SCMH1: variants seen among roughly 807,000 people sequenced by gnomAD.
SCMH1 encodes polycomb protein SCMH1.
In SCMH1, 37 loss-of-function variants were observed where a neutral mutation model predicts 70.8. The observed-to-expected ratio is 0.52, with a 90% CI of 0.40 to 0.69. The LOEUF is 0.69. Among genes scored for constraint, SCMH1 ranks in the 30% least tolerant of loss-of-function variants. SCMH1 has a pLI of 0.00. For missense variants in SCMH1, 607 were observed against 827.3 expected, an observed-to-expected ratio of 0.73 and a Z score of 3.27; for synonymous variants, 292 against 307.4, an observed-to-expected ratio of 0.95 and a Z score of 0.52.
chr1:41,032,439 G>A (rs1644657653), intron 13 of SCMH1, among the ~76,000 whole-genome samples: 1 of 152,176 alleles, frequency 6.6e-6, no homozygotes, highest in African/African-American at 2.4e-5. Context: ...TCAGAACAAA[G>A]TGAATGAGGG....
intron 4 of SCMH1, among the ~76,000 whole-genome samples, chr1:41,159,271 A>G (rs1479033807): frequency 6.6e-6 from 1 of 152,212 alleles, no homozygotes; most frequent in African/African-American, 2.4e-5. Flanking sequence ...AAATTTTAAC[A>G]TCTTTTAGTA....
chr1:41,173,524 T>C (rs1160270433), intron 2 of SCMH1, among the ~76,000 whole-genome samples: 1 of 152,116 alleles, frequency 6.6e-6, no homozygotes, highest in Non-Finnish European at 1.5e-5. Context: ...GTATTGTAAA[T>C]TAGTACAGCT....
intron 2 of SCMH1, among the ~76,000 whole-genome samples, chr1:41,163,422 A>G (rs1270127876): frequency 1.3e-5 from 2 of 152,238 alleles, no homozygotes; most frequent in Admixed American, 6.5e-5. Flanking sequence ...AGTGGGCCCA[A>G]GCAAAACTCA....
intron 10 of SCMH1, among the ~76,000 whole-genome samples, chr1:41,060,337 A>T (rs1652157831): frequency 6.6e-6 from 1 of 152,132 alleles, no homozygotes; most frequent in Admixed American, 6.6e-5. Flanking sequence ...GACAAGAATT[A>T]TATCTAATGT....
At chr1:41,070,520 C>G in intron 10 of SCMH1, 75 bp downstream of exon 10, 2 of 1,548,062 alleles carry the variant, frequency 1.3e-6, no homozygotes, top group East Asian at 4.6e-5. Context: ...GTGCTAATTA[C>G]TGGTGTAAGA....
At chr1:41,055,975 C>T (rs928535249) in intron 10 of SCMH1, among the ~76,000 whole-genome samples, 2 of 152,132 alleles carry the variant, frequency 1.3e-5, no homozygotes, top group African/African-American at 4.8e-5. Flanking sequence ...TGTTAATAAT[C>T]CATGTCCAGA....
At chr1:41,190,830 C>T (rs2148664260) in intron 1 of SCMH1, among the ~76,000 whole-genome samples, 1 of 152,288 alleles carries the variant, frequency 6.6e-6, no homozygotes, top group South Asian at 2.1e-4. Flanking sequence ...TTTACTGGCA[C>T]TGTGGTAGGC....
At chr1:41,027,500 G>A (rs1275973235) in exon 15 of SCMH1, 1 of 152,304 alleles carries the variant, frequency 6.6e-6, no homozygotes, top group East Asian at 1.9e-4. Context: ...CGTGAAGAGA[G>A]GAGAAGGTGA....
intron 1 of SCMH1, among the ~76,000 whole-genome samples, chr1:41,232,488 TAA>T (rs773675040): frequency 6.6e-6 from 1 of 152,196 alleles, no homozygotes. Context: ...CCTGTACTGA[TAA>T]AGTCTCAGAA....
At chr1:41,216,767 G>A (rs372623852) in intron 1 of SCMH1, among the ~76,000 whole-genome samples, 19 of 152,290 alleles carry the variant, frequency 1.2e-4, no homozygotes, top group South Asian at 4.1e-4. Context: ...GTTTTGCACC[G>A]ATGACTATAG....
chr1:41,051,686 C>T (rs1412883611), intron 10 of SCMH1, among the ~76,000 whole-genome samples: 1 of 151,748 alleles, frequency 6.6e-6, no homozygotes, highest in Non-Finnish European at 1.5e-5. Context: ...AAAAAGCTTA[C>T]AGAATAAAGA....
intron 10 of SCMH1, among the ~76,000 whole-genome samples, chr1:41,055,499 A>AC (rs1383846563): frequency 6.6e-6 from 1 of 152,074 alleles, no homozygotes; most frequent in East Asian, 1.9e-4. Flanking sequence ...ACAGGCACCC[A>AC]CCACCATGCC....
At position 41,214,577 on chromosome 1, in the gene SCMH1, T is replaced by C. The variant is rs372821389; in HGVS notation, c.-118+27482A>G. Reference sequence around the variant, plus strand: ...ACATTTACCTAAGGAAAGAATGTGATCCTCACAATAAATATGCAAGATGGC... The same window carrying C: ...ACATTTACCTAAGGAAAGAATGTGACCCTCACAATAAATATGCAAGATGGC... On this transcript the variant is annotated intron_variant, in intron 1 of 14. Coordinates refer to ENST00000337495, the Ensembl canonical transcript of SCMH1. 1.1e-4 allele frequency among the ~76,000 whole-genome samples: 16 copies of C among 152,298 alleles called. No individual in the cohort carries two copies. In the East Asian group the frequency reaches 3.1e-3, roughly 29 times the overall value.
intron 4 of SCMH1, among the ~76,000 whole-genome samples, chr1:41,158,086 C>T (rs1645706587): frequency 6.6e-6 from 1 of 152,212 alleles, no homozygotes; most frequent in Admixed American, 6.5e-5. Flanking sequence ...AAATGATTAC[C>T]TAGTGATGGT....
chr1:41,047,165 G>A (rs1396520370), intron 11 of SCMH1, among the ~76,000 whole-genome samples: 1 of 152,134 alleles, frequency 6.6e-6, no homozygotes, highest in Non-Finnish European at 1.5e-5. Flanking sequence ...CTGTGTATTT[G>A]TCTCTGAGGG....
exon 15 of SCMH1, chr1:41,027,723 T>C (rs1643962102): frequency 6.4e-6 from 1 of 156,016 alleles, no homozygotes; most frequent in East Asian, 1.9e-4. Context: ...TTTGCCCAAG[T>C]GCCAGAAACA....
chr1:41,196,365 G>A (rs1432237278), intron 1 of SCMH1, among the ~76,000 whole-genome samples: 1 of 152,082 alleles, frequency 6.6e-6, no homozygotes, highest in African/African-American at 2.4e-5. Flanking sequence ...CATAAGGATA[G>A]ATAAGCAGAC....
At chr1:41,126,983 T>C (rs1025677412) in intron 6 of SCMH1, among the ~76,000 whole-genome samples, 3 of 152,000 alleles carry the variant, frequency 2.0e-5, no homozygotes, top group Admixed American at 1.3e-4. Flanking sequence ...ATTCTGCATG[T>C]CCCCAGCAAA....
At chr1:41,213,176 C>T (rs1448474607) in intron 1 of SCMH1, among the ~76,000 whole-genome samples, 1 of 152,088 alleles carries the variant, frequency 6.6e-6, no homozygotes, top group African/African-American at 2.4e-5. Context: ...GCATTCCCAG[C>T]CTCCAAATTA....
Sources: allele counts gnomAD v4.1 joint callset (sites outside exome capture counted in the v4.1 genomes callset), GRCh38; gene constraint gnomAD v4.1.1; transcripts MANE v1.5; gene names NCBI Gene and HGNC (gene_info 2026-07-23, HGNC 2026-07-21).